The following KIF26B variants were observed in gnomAD, a reference collection of about 807,000 sequenced individuals.
KIF26B encodes the protein kinesin family member 26B.
A neutral mutation model predicts 151.2 loss-of-function variants in KIF26B; 63 were observed. That is an observed-to-expected ratio of 0.42 (90% confidence interval 0.34 to 0.51). KIF26B has a LOEUF of 0.51. Among genes scored for constraint, KIF26B ranks in the 20% least tolerant of loss-of-function variants. KIF26B has a pLI of 0.07. For synonymous variants in KIF26B, 1,357 were observed against 1,262.1 expected, an observed-to-expected ratio of 1.08 and a Z score of -1.59; for missense variants, 2,813 against 2,913.6, an observed-to-expected ratio of 0.97 and a Z score of 0.79.
intron 3 of KIF26B, among the ~76,000 whole-genome samples, chr1:245,396,181 A>C (rs1376412234): frequency 6.6e-6 from 1 of 152,182 alleles, no homozygotes; most frequent in Non-Finnish European, 1.5e-5. Flanking sequence ...AAAACATGGG[A>C]TCAGTGTACT....
chr1:245,676,195 T>C (rs1286573941), intron 10 of KIF26B: 1 of 152,232 alleles, frequency 6.6e-6, no homozygotes, highest in Non-Finnish European at 1.5e-5. Flanking sequence ...TGAAAATTTC[T>C]AATATCGTAC....
At chr1:245,652,143 T>A (rs6669527) in intron 10 of KIF26B, among the ~76,000 whole-genome samples, 41,268 of 111,218 alleles carry the variant, frequency 0.37, 6,890 homozygotes, top group Middle Eastern at 0.5. Context: ...TGTGTGTGTG[T>A]GTGAGAGAGA....
chr1:245,361,267 C>T (rs1360233044), intron 2 of KIF26B, among the ~76,000 whole-genome samples: 7 of 152,308 alleles, frequency 4.6e-5, no homozygotes, highest in East Asian at 3.9e-4. Context: ...TTCATGGGAT[C>T]GCCTCTCCCT....
intron 4 of KIF26B, among the ~76,000 whole-genome samples, chr1:245,439,464 G>A (rs151334375): frequency 2.6e-5 from 4 of 152,268 alleles, no homozygotes; most frequent in African/African-American, 9.6e-5. Flanking sequence ...GCAATAAGTG[G>A]TCGTTTTCCT....
At chr1:245,364,666 T>A (rs1672901610) in intron 2 of KIF26B, among the ~76,000 whole-genome samples, 2 of 151,988 alleles carry the variant, frequency 1.3e-5, no homozygotes, top group South Asian at 4.2e-4. Context: ...GTGATCCGCC[T>A]GCCTCGGCCT....
At chr1:245,203,749 T>C (rs7549331) in intron 2 of KIF26B, among the ~76,000 whole-genome samples, 151,919 of 152,356 alleles carry the variant, frequency 1, 75,744 homozygotes, top group Middle Eastern at 1. Flanking sequence ...GGACGTTCAG[T>C]TCCCTCTCCA....
intron 5 of KIF26B, among the ~76,000 whole-genome samples, chr1:245,591,708 C>T (rs1331756304): frequency 6.6e-6 from 1 of 152,200 alleles, no homozygotes; most frequent in East Asian, 1.9e-4. Flanking sequence ...CATCTTTACA[C>T]CAGCTCATCC....
intron 9 of KIF26B, among the ~76,000 whole-genome samples, chr1:245,644,287 TA>T (rs1324416198): frequency 4.6e-5 from 7 of 152,162 alleles, no homozygotes; most frequent in African/African-American, 1.2e-4. Context: ...TCATCTACTA[TA>T]TTTTTTTTAT....
intron 10 of KIF26B, among the ~76,000 whole-genome samples, chr1:245,670,755 G>A (rs1035971018): frequency 6.6e-6 from 1 of 151,928 alleles, no homozygotes. Flanking sequence ...TATATCTATG[G>A]GATCCATGAG....
At position 245,217,040 on chromosome 1, in the gene KIF26B, G is replaced by A. The variant is rs141449993; in HGVS notation, c.465+60357G>A. 1.6e-4 allele frequency among the ~76,000 whole-genome samples: 25 copies of A among 152,270 alleles called. 1 individual carries two copies. The East Asian group carries it at 4.1e-3, about 25-fold the overall frequency. ...CCTGACCCAGCCTCAGAGGCATCCC[G>A]CCCACAGGGAAGGATATTTGTCTCA... On this transcript the variant is annotated intron_variant, in intron 2 of 14. Transcript: ENST00000407071.
chr1:245,465,260 G>A (rs1659759810), intron 4 of KIF26B, among the ~76,000 whole-genome samples: 1 of 152,174 alleles, frequency 6.6e-6, no homozygotes, highest in Non-Finnish European at 1.5e-5. Flanking sequence ...TCACAGGCGT[G>A]AGCCACCGCG....
At chr1:245,431,813 T>C (rs373723457) in intron 4 of KIF26B, among the ~76,000 whole-genome samples, 4 of 152,312 alleles carry the variant, frequency 2.6e-5, no homozygotes, top group South Asian at 4.1e-4. Context: ...TTTTGTTAGT[T>C]ACTAAAATAT....
At chr1:245,396,528 C>G (rs904503365) in intron 3 of KIF26B, among the ~76,000 whole-genome samples, 3 of 151,814 alleles carry the variant, frequency 2.0e-5, no homozygotes, top group Non-Finnish European at 2.9e-5. Context: ...CCCAGCTACT[C>G]AGGAGGCTGA....
intron 4 of KIF26B, among the ~76,000 whole-genome samples, chr1:245,446,231 C>T (rs1659247880): frequency 6.6e-6 from 1 of 152,110 alleles, no homozygotes; most frequent in African/African-American, 2.4e-5. Flanking sequence ...CATATCTGAA[C>T]ATATATGAAC....
At chr1:245,607,491 G>A (rs2043468430) in intron 6 of KIF26B, among the ~76,000 whole-genome samples, 160 bp from the exon 7 acceptor site, 1 of 152,194 alleles carries the variant, frequency 6.6e-6, no homozygotes. Context: ...GTCGCCAGGG[G>A]TTCTGAGCAT....
At chr1:245,623,852 A>C (rs1439567938) in intron 9 of KIF26B, among the ~76,000 whole-genome samples, 1 of 152,226 alleles carries the variant, frequency 6.6e-6, no homozygotes, top group East Asian at 1.9e-4. Flanking sequence ...GATAAGGGAT[A>C]TTCAGCTTGT....
At chr1:245,428,931 G>T (rs896291279) in intron 4 of KIF26B, among the ~76,000 whole-genome samples, 5 of 119,582 alleles carry the variant, frequency 4.2e-5, no homozygotes, top group African/African-American at 1.6e-4. Flanking sequence ...AAGGATTCTA[G>T]TTCTTATTGC....
chr1:245,527,001 G>C (rs372223067), intron 4 of KIF26B, among the ~76,000 whole-genome samples: 3 of 152,164 alleles, frequency 2.0e-5, no homozygotes, highest in Non-Finnish European at 4.4e-5. Context: ...TAAATACTAA[G>C]GAAAACTCTA....
chr1:245,326,512 AG>A (rs1671993554), intron 2 of KIF26B, among the ~76,000 whole-genome samples: 1 of 152,172 alleles, frequency 6.6e-6, no homozygotes, highest in Non-Finnish European at 1.5e-5. Flanking sequence ...CGCCAGGCAA[AG>A]GTTCCGGACC....
Sources: allele counts gnomAD v4.1 joint callset (sites outside exome capture counted in the v4.1 genomes callset), GRCh38; gene constraint gnomAD v4.1.1; transcripts MANE v1.5; gene names NCBI Gene and HGNC (gene_info 2026-07-23, HGNC 2026-07-21).